GTF2I: variants seen among roughly 807,000 people sequenced by gnomAD.
GTF2I encodes the protein general transcription factor IIi, also known as general transcription factor II-I.
Under a neutral mutation model 67.6 loss-of-function variants are expected in GTF2I, and 12 were observed. The ratio of observed to expected loss-of-function variants is 0.18; its 90% CI spans 0.11 to 0.29. The LOEUF (loss-of-function observed/expected upper bound fraction) is 0.29. GTF2I is among the 10% of genes least tolerant of loss of function. GTF2I has a pLI of 1.00. For synonymous variants in GTF2I, 149 were observed against 197.0 expected, an observed-to-expected ratio of 0.76 and a Z score of 2.04; for missense variants, 271 against 580.1, an observed-to-expected ratio of 0.47 and a Z score of 5.47.
intron 8 of GTF2I, among the ~76,000 whole-genome samples, chr7:74,710,763 C>A (rs892672585): frequency 6.6e-6 from 1 of 152,050 alleles, no homozygotes; most frequent in East Asian, 1.9e-4. Context: ...GTAAAATTTT[C>A]TTTGATTCTA....
intron 1 of GTF2I, among the ~76,000 whole-genome samples, chr7:74,658,436 T>C (rs1554384728): frequency 1.4e-5 from 2 of 143,062 alleles, no homozygotes; most frequent in East Asian, 4.2e-4. Flanking sequence ...GCGCGTGCGA[T>C]CCCGCGCGCG....
chr7:74,718,703 T>C (rs587745447), intron 11 of GTF2I, among the ~76,000 whole-genome samples, 176 bp from the exon 12 acceptor site: 1 of 152,346 alleles, frequency 6.6e-6, no homozygotes, highest in African/African-American at 2.4e-5. Context: ...TTGTTTTCTT[T>C]TATCCCTATT....
chr7:74,696,756 A>G (rs889479011), intron 3 of GTF2I, among the ~76,000 whole-genome samples: 2 of 152,054 alleles, frequency 1.3e-5, no homozygotes, highest in South Asian at 4.1e-4. Flanking sequence ...TGGCCTCCCA[A>G]AGTGCTGGGA....
chr7:74,663,607 G>T (rs1218133560), intron 1 of GTF2I, among the ~76,000 whole-genome samples: 2 of 152,064 alleles, frequency 1.3e-5, no homozygotes, highest in African/African-American at 4.8e-5. Context: ...TTGAGTGAAG[G>T]TTATTCATTG....
chr7:74,687,982 C>T (rs1434735785), intron 1 of GTF2I, among the ~76,000 whole-genome samples: 1 of 151,976 alleles, frequency 6.6e-6, no homozygotes, highest in Non-Finnish European at 1.5e-5. Flanking sequence ...TTACAGAAAA[C>T]CTTTTTAGTG....
chr7:74,666,632 G>GACCA (rs1389315913), intron 1 of GTF2I, among the ~76,000 whole-genome samples: 2 of 151,710 alleles, frequency 1.3e-5, no homozygotes, highest in African/African-American at 2.4e-5. Context: ...AGGAGTTTGA[G>GACCA]ACCAGCCTGG....
chr7:74,704,259 A>ATT (rs1554400639), intron 6 of GTF2I, among the ~76,000 whole-genome samples: 2 of 92,416 alleles, frequency 2.2e-5, no homozygotes, highest in African/African-American at 7.1e-5. Context: ...TTTTAAACTT[A>ATT]ATTATTATTT....
chr7:74,720,224 T>C (rs1188160765), intron 12 of GTF2I, among the ~76,000 whole-genome samples: 2 of 152,230 alleles, frequency 1.3e-5, no homozygotes, highest in African/African-American at 2.4e-5. Context: ...CTCCCATAAC[T>C]GCACATCTTG....
At position 74,662,511 on chromosome 7, in the gene GTF2I, C is replaced by CTTTTTTTTT. The variant is rs1161320476; in HGVS notation, c.-6+4464_-6+4472dup. Among the ~76,000 whole-genome samples the CTTTTTTTTT allele has an allele frequency of 5.3e-3, 268 of 50,218 alleles. 66 individuals are homozygous for CTTTTTTTTT. Among genetic ancestry groups the CTTTTTTTTT allele is most frequent in the African/African-American group, 0.02 (238 of 12,048 alleles). 32.9% of individuals were successfully genotyped at this position (50,218 alleles called of 152,430 possible). ...AGGCGTGAGCCACTGCACCTGGACCCTTTTTTTTTTTTTTTTTTTTTTTTT... is the reference window on the plus strand; with the variant it reads ...AGGCGTGAGCCACTGCACCTGGACCCTTTTTTTTTTTTTTTTTTTTTTTTTTTTTTTTTT... On this transcript the variant is annotated intron_variant, in intron 1 of 34. Coordinates refer to ENST00000573035, the MANE Select transcript of GTF2I (RefSeq NM_032999.4).
At chr7:74,706,526 T>A in intron 8 of GTF2I, 93 bp downstream of exon 8, 1 of 987,958 alleles carries the variant, frequency 1.0e-6, no homozygotes, top group Admixed American at 1.8e-5. Context: ...ATTGTTTTGT[T>A]TTGATAAGAA....
intron 3 of GTF2I, among the ~76,000 whole-genome samples, chr7:74,695,809 G>A (rs1163044970): frequency 6.6e-6 from 1 of 151,984 alleles, no homozygotes; most frequent in Non-Finnish European, 1.5e-5. Flanking sequence ...GATTGTGTGT[G>A]TATCAGCTGC....
chr7:74,752,019 TCAGA>T, intron 27 of GTF2I, 67 bp from the exon 28 acceptor site: 1 of 486,338 alleles, frequency 2.1e-6, no homozygotes, highest in Non-Finnish European at 3.6e-6. Flanking sequence ...TAAAACAGTC[TCAGA>T]CAGCATGATT....
intron 2 of GTF2I, among the ~76,000 whole-genome samples, chr7:74,689,697 C>T (rs587612222): frequency 4.9e-4 from 75 of 151,704 alleles, no homozygotes; most frequent in Admixed American, 1.4e-3. Context: ...TTAAGCCTTT[C>T]ACATCACAGT....
At chr7:74,684,098 A>T (rs587694845) in intron 1 of GTF2I, among the ~76,000 whole-genome samples, 1 of 152,296 alleles carries the variant, frequency 6.6e-6, no homozygotes, top group South Asian at 2.1e-4. Context: ...GGCCTGGCTC[A>T]GGTGGCTTCT....
At chr7:74,691,169 G>T in intron 3 of GTF2I, 58 bp downstream of exon 3, 5 of 1,185,040 alleles carry the variant, frequency 4.2e-6, no homozygotes, top group South Asian at 4.1e-5. Flanking sequence ...AATATTTGTA[G>T]GTAAGACAAG....
chr7:74,660,084 C>T (rs1330860431), intron 1 of GTF2I, among the ~76,000 whole-genome samples: 1 of 152,072 alleles, frequency 6.6e-6, no homozygotes, highest in East Asian at 1.9e-4. Context: ...TTCGTTTCTC[C>T]TCCTCCTTGA....
chr7:74,716,033 C>G (rs1233289975), intron 10 of GTF2I, among the ~76,000 whole-genome samples: 1 of 152,042 alleles, frequency 6.6e-6, no homozygotes, highest in Non-Finnish European at 1.5e-5. Flanking sequence ...CTTCCTTTCC[C>G]CTCAAGCGAT....
intron 1 of GTF2I, among the ~76,000 whole-genome samples, chr7:74,683,182 A>C (rs1787409807): frequency 6.6e-6 from 1 of 152,174 alleles, no homozygotes; most frequent in Non-Finnish European, 1.5e-5. Context: ...GTTTAATAAA[A>C]ATAAAATCTA....
intron 1 of GTF2I, among the ~76,000 whole-genome samples, chr7:74,680,099 A>AAAAAAAAAAAAAAAATATATATATATAT: frequency 1.1e-5 from 1 of 95,002 alleles, no homozygotes; most frequent in African/African-American, 4.0e-5. Flanking sequence ...AAAAAAAAAA[A>AAAAAAAAAAAAAAAATATATATATATAT]ATATATATAT....
Sources: allele counts gnomAD v4.1 joint callset (sites outside exome capture counted in the v4.1 genomes callset), GRCh38; gene constraint gnomAD v4.1.1; transcripts MANE v1.5; gene names NCBI Gene and HGNC (gene_info 2026-07-23, HGNC 2026-07-21).